The following LCLAT1 variants were observed in gnomAD, a reference collection of about 807,000 sequenced individuals.
LCLAT1 encodes 1-AGP acyltransferase 8.
A neutral mutation model predicts 30.7 loss-of-function variants in LCLAT1; 11 were observed. That is an observed-to-expected ratio of 0.36 (90% CI 0.23 to 0.59). The LOEUF (loss-of-function observed/expected upper bound fraction) is 0.59, where lower values mean the gene tolerates loss of function less well. Among genes scored for constraint, LCLAT1 ranks in the 20% least tolerant of loss-of-function variants. The pLI is 0.77. For missense variants in LCLAT1, 402 were observed against 458.6 expected, an observed-to-expected ratio of 0.88 and a Z score of 1.13; for synonymous variants, 155 against 151.3, an observed-to-expected ratio of 1.02 and a Z score of -0.18.
chr2:30,628,268 T>G (rs1668610833), intron 5 of LCLAT1, among the ~76,000 whole-genome samples: 1 of 152,150 alleles, frequency 6.6e-6, no homozygotes, highest in South Asian at 2.1e-4. Flanking sequence ...AGACATAAAA[T>G]AAGATTTGAG....
chr2:30,536,168 T>G (rs1686231429), intron 3 of LCLAT1, among the ~76,000 whole-genome samples: 1 of 152,210 alleles, frequency 6.6e-6, no homozygotes, highest in East Asian at 1.9e-4. Context: ...AGCGATCAAT[T>G]TTTGCATTAT....
At chr2:30,603,080 T>C (rs1234196130) in intron 5 of LCLAT1, among the ~76,000 whole-genome samples, 1 of 152,164 alleles carries the variant, frequency 6.6e-6, no homozygotes, top group African/African-American at 2.4e-5. Flanking sequence ...ATTCTTATTG[T>C]GCTGCTTCAG....
intron 5 of LCLAT1, among the ~76,000 whole-genome samples, chr2:30,594,888 T>A (rs1467645302): frequency 6.6e-6 from 1 of 152,210 alleles, no homozygotes; most frequent in Non-Finnish European, 1.5e-5. Context: ...TACTCAAGTA[T>A]AAAATAAGCA....
chr2:30,483,727 T>C lies in LCLAT1; in HGVS notation c.-5+36344T>C, dbSNP rs542068408. ...CCAGACCCAGTTTAGGGCCTAGACC[T>C]ACCATATCCATTTCCAGTTGTCTTA... On this transcript the variant is annotated intron_variant, in intron 1 of 5. Coordinates refer to ENST00000379509, the MANE Select transcript of LCLAT1 (RefSeq NM_001002257.3). Among the ~76,000 whole-genome samples, 4 of 152,306 alleles carry C rather than the reference T, an allele frequency of 2.6e-5. No homozygotes were observed. The South Asian group carries it at 8.3e-4, about 32-fold the overall frequency.
chr2:30,475,168 A>AT (rs945922910), intron 1 of LCLAT1, among the ~76,000 whole-genome samples: 45 of 145,864 alleles, frequency 3.1e-4, no homozygotes, highest in Non-Finnish European at 3.2e-4. Flanking sequence ...TGGTTAATAA[A>AT]TTTTTTTTTT....
chr2:30,554,101 A>G (rs1664810183), intron 3 of LCLAT1, among the ~76,000 whole-genome samples: 1 of 152,232 alleles, frequency 6.6e-6, no homozygotes, highest in Admixed American at 6.5e-5. Flanking sequence ...ATTTAGAAAC[A>G]TTGGCTTGGA....
chr2:30,448,610 C>G (rs1219097703), intron 1 of LCLAT1, among the ~76,000 whole-genome samples: 3 of 152,210 alleles, frequency 2.0e-5, no homozygotes, highest in Admixed American at 2.0e-4. Flanking sequence ...GAAAGCTAGG[C>G]TTCTCCTACT....
intron 1 of LCLAT1, among the ~76,000 whole-genome samples, chr2:30,494,530 G>A (rs1683997746): frequency 6.9e-6 from 1 of 145,734 alleles, no homozygotes; most frequent in Admixed American, 7.1e-5. Context: ...CTATATTTTT[G>A]CATACATACA....
At chr2:30,597,592 A>G (rs887899580) in intron 5 of LCLAT1, among the ~76,000 whole-genome samples, 5 of 152,126 alleles carry the variant, frequency 3.3e-5, no homozygotes, top group African/African-American at 1.2e-4. Context: ...TCTGCAAACA[A>G]AGACAATTTG....
At chr2:30,588,531 T>G (rs1666542042) in intron 5 of LCLAT1, among the ~76,000 whole-genome samples, 1 of 152,130 alleles carries the variant, frequency 6.6e-6, no homozygotes, top group African/African-American at 2.4e-5. Context: ...GGCCTCAAAC[T>G]CTCCTCTTCT....
At chr2:30,577,138 G>A (rs2363076) in intron 5 of LCLAT1, among the ~76,000 whole-genome samples, 9 of 149,630 alleles carry the variant, frequency 6.0e-5, no homozygotes, top group African/African-American at 2.2e-4. Context: ...TATATATTTT[G>A]TCACATAGGC....
intron 1 of LCLAT1, among the ~76,000 whole-genome samples, chr2:30,514,750 C>CT (rs760278727): frequency 5.6e-4 from 85 of 152,318 alleles, no homozygotes; most frequent in Admixed American, 1.2e-3. Flanking sequence ...ATACCAGCGT[C>CT]TGTCAGTCCT....
chr2:30,625,583 C>T (rs1039942214), intron 5 of LCLAT1, among the ~76,000 whole-genome samples: 2 of 152,158 alleles, frequency 1.3e-5, no homozygotes, highest in Admixed American at 6.5e-5. Flanking sequence ...GTAGTAAACT[C>T]TGTTATATGC....
At chr2:30,466,229 T>TTTTCTTTTCTTTTCTTTTC (rs1553355367) in intron 1 of LCLAT1, among the ~76,000 whole-genome samples, 2 of 149,606 alleles carry the variant, frequency 1.3e-5, no homozygotes, top group Non-Finnish European at 3.0e-5. Context: ...GTGTTTTCTT[T>TTTTCTTTTCTTTTCTTTTC]TTTTCTTTTC....
intron 1 of LCLAT1, among the ~76,000 whole-genome samples, chr2:30,490,189 G>A (rs1176201386): frequency 3.3e-5 from 5 of 151,160 alleles, no homozygotes; most frequent in East Asian, 2.0e-4. Context: ...CTAATTTAGG[G>A]GCTACTCTGA....
intron 3 of LCLAT1, among the ~76,000 whole-genome samples, chr2:30,551,831 T>A (rs901111194): frequency 9.2e-5 from 14 of 152,186 alleles, no homozygotes; most frequent in African/African-American, 1.4e-4. Flanking sequence ...TTAAAAAAAA[T>A]TTATTTTTAA....
At chr2:30,588,688 T>C (rs13422024) in intron 5 of LCLAT1, among the ~76,000 whole-genome samples, 19,380 of 152,086 alleles carry the variant, frequency 0.13, 1,370 homozygotes, top group South Asian at 0.23. Context: ...GCAACCTCCG[T>C]CTCCCGGGTT....
intron 5 of LCLAT1, among the ~76,000 whole-genome samples, chr2:30,568,932 G>A (rs1665647070): frequency 1.3e-5 from 2 of 149,298 alleles, no homozygotes; most frequent in African/African-American, 4.9e-5. Context: ...TTGGCTCTTA[G>A]GGTTTGAGAA....
intron 2 of LCLAT1, 112 bp from the exon 3 acceptor site, chr2:30,533,004 A>C: frequency 2.6e-6 from 2 of 759,220 alleles, no homozygotes; most frequent in Non-Finnish European, 4.4e-6. Flanking sequence ...GATCATGGGA[A>C]ATACTAACTT....
Sources: allele counts gnomAD v4.1 joint callset (sites outside exome capture counted in the v4.1 genomes callset), GRCh38; gene constraint gnomAD v4.1.1; transcripts MANE v1.5; gene names NCBI Gene and HGNC (gene_info 2026-07-23, HGNC 2026-07-21).